SHPRH: variants seen among roughly 807,000 people sequenced by gnomAD.
SHPRH encodes the protein SNF2 histone linker PHD RING helicase, also known as E3 ubiquitin-protein ligase SHPRH.
A neutral mutation model predicts 202.5 loss-of-function variants in SHPRH; 106 were observed. That is an observed-to-expected ratio of 0.52 (90% confidence interval 0.45 to 0.62). The LOEUF is 0.62. Ranked by LOEUF, SHPRH falls within the 20% of genes least tolerant of loss-of-function variation. The probability of loss-of-function intolerance (pLI) is 0.00; values close to 1 mark genes in which losing one functional copy is unlikely to be tolerated. For synonymous variants in SHPRH, 729 were observed against 686.0 expected (o/e 1.06, Z -0.98); for missense variants, 1,710 against 2,020.0 (o/e 0.85, Z 2.94).
intron 10 of SHPRH, among the ~76,000 whole-genome samples, chr6:145,941,174 T>G (rs192060535): frequency 6.6e-6 from 1 of 152,272 alleles, no homozygotes. Flanking sequence ...GACAACAGAA[T>G]AAAGACATAT....
rs1787250109 is a variant in SHPRH at position 145,945,323 on chromosome 6, A to G, written c.1578+58T>C. 1.2e-5 allele frequency: 18 copies of G among 1,526,128 alleles called. No individual in the cohort carries two copies. In the South Asian group the frequency reaches 2.4e-4, roughly 20 times the overall value. The allele number at this position is 1,526,128 out of a possible 1,614,324, so 94.5% of individuals were successfully genotyped here. ...GTTTCAAGGTGGGATCTGTCAATGT[A>G]CTCAGTAAGGTATCACATACGTGTA... On this transcript the variant is annotated intron_variant, in intron 8 of 29. Coordinates refer to ENST00000275233, the MANE Select transcript of SHPRH (RefSeq NM_001042683.3).
Position 145,950,562 on chromosome 6 carries a change from A to G in SHPRH, c.764-80T>C. On this transcript the variant is annotated intron_variant, in intron 3 of 29. Transcript: ENST00000275233. ...AGCAATTCTTATTCTAAGAGCATAC[A>G]ATGAACTTGCCCAACTCTGGGGCCT... The G allele has an allele frequency of 8.7e-6, 12 of 1,377,918 alleles. No individual in the cohort carries two copies. The South Asian group carries it at 1.5e-4, about 18-fold the overall frequency. 85.4% of individuals were successfully genotyped at this position (1,377,918 alleles called of 1,614,324 possible). A position where few individuals can be genotyped will look rare whatever the true frequency, so the allele number is the denominator to read the frequency against.
At position 145,924,810 on chromosome 6, in the gene SHPRH, T is replaced by C; in HGVS notation, c.3331A>G (p.Asn1111Asp). 2 of 1,611,870 alleles carry C rather than the reference T, an allele frequency of 1.2e-6. No homozygotes were observed. The highest frequency in any genetic ancestry group is 1.7e-6 in the Non-Finnish European group (2 of 1,178,494). The change falls in exon 17 of 30, where the codon AAT becomes GAT. Residue 1111 changes from asparagine to aspartate, a missense_variant. By Grantham distance (23) the Asn-to-Asp change is conservative (BLOSUM62 1). Around this residue, in one of 8 missense-constraint regions of SHPRH, gnomAD observed 288 missense variants for 317.8 expected, o/e 0.91. Coordinates refer to ENST00000275233, the MANE Select transcript of SHPRH (RefSeq NM_001042683.3). The stretch of plus-strand genomic sequence containing the variant: ...TGCTGGGCTTCAGCAACTTCTGTAT[T>C]ACACTTGCTCATGTAGTGCTCTCGC... ...QLREHYMSKC[N>D]TEVAEAQQAL...
chr6:145,867,647 G>T (rs1387837726), intron 2 of SHPRH, among the ~76,000 whole-genome samples: 84 of 131,234 alleles, frequency 6.4e-4, no homozygotes, highest in African/African-American at 1.7e-3. Flanking sequence ...GAGAGAGAGA[G>T]AGAGAGAGAG....
chr6:145,901,045 CATA>C (rs1369088703), intron 25 of SHPRH, among the ~76,000 whole-genome samples: 6 of 151,956 alleles, frequency 3.9e-5, no homozygotes, highest in African/African-American at 1.4e-4. Flanking sequence ...TCAATCCTTC[CATA>C]ATATCTACAT....
intron 28 of SHPRH, 34 bp from the exon 29 acceptor site, chr6:145,888,134 CAT>C (rs1781251391): frequency 6.8e-7 from 1 of 1,477,704 alleles, no homozygotes; most frequent in Non-Finnish European, 9.4e-7. Context: ...AGCTTAAAAA[CAT>C]AGTAAAACAA....
intron 14 of SHPRH, 61 bp downstream of exon 14, chr6:145,932,996 T>A (rs1477738702): frequency 7.1e-6 from 11 of 1,541,394 alleles, no homozygotes; most frequent in Non-Finnish European, 8.8e-6. Flanking sequence ...CTATTTTTTC[T>A]ATAATTAACC....
chr6:145,962,268 T>C (rs1001692672), intron 1 of SHPRH, among the ~76,000 whole-genome samples: 3 of 152,224 alleles, frequency 2.0e-5, no homozygotes, highest in Non-Finnish European at 4.4e-5. Flanking sequence ...GCAGGAGTAG[T>C]ATCCTATTCA....
chr6:145,879,953 T>C (rs536915499), downstream of SHPRH, among the ~76,000 whole-genome samples: 20 of 122,240 alleles, frequency 1.6e-4, no homozygotes, highest in Non-Finnish European at 3.2e-4. Context: ...AAAAAAGAAA[T>C]GGTGACTAGC....
At chr6:145,869,630 G>C (rs1260563776) in intron 2 of SHPRH, among the ~76,000 whole-genome samples, 1 of 151,970 alleles carries the variant, frequency 6.6e-6, no homozygotes, top group Non-Finnish European at 1.5e-5. Context: ...AAGATTAGTT[G>C]GCTATATTTA....
At chr6:145,931,771 C>T (rs1311623354) in intron 14 of SHPRH, among the ~76,000 whole-genome samples, 1 of 151,832 alleles carries the variant, frequency 6.6e-6, no homozygotes, top group Non-Finnish European at 1.5e-5. Context: ...AATATTATAC[C>T]TCTTCATATA....
At chr6:145,886,848 T>G in intron 29 of SHPRH, 61 bp from the exon 30 acceptor site, 1 of 1,561,414 alleles carries the variant, frequency 6.4e-7, no homozygotes, top group Non-Finnish European at 8.7e-7. Context: ...GCGATTATAT[T>G]TGTAGTAATA....
intron 1 of SHPRH, among the ~76,000 whole-genome samples, chr6:145,959,378 A>G (rs1357366997): frequency 4.6e-5 from 7 of 152,206 alleles, no homozygotes; most frequent in Admixed American, 3.9e-4. Context: ...TACAAATACT[A>G]CGGTGTGACA....
At chr6:145,918,616 C>T (rs909656406) in intron 22 of SHPRH, 3 of 153,278 alleles carry the variant, frequency 2.0e-5, no homozygotes, top group Non-Finnish European at 2.9e-5. Flanking sequence ...ATTTCTCTGC[C>T]CTTCTTTCCT....
At chr6:145,863,725 C>T (rs140944097), downstream of SHPRH, among the ~76,000 whole-genome samples, 1 of 152,146 alleles carries the variant, frequency 6.6e-6, no homozygotes, top group African/African-American at 2.4e-5. Context: ...AAAGAGGGGC[C>T]AGTAAAGGTT....
intron 1 of SHPRH, 58 bp from the exon 2 acceptor site, chr6:145,955,412 T>C (rs1788407739): frequency 6.9e-7 from 1 of 1,445,852 alleles, no homozygotes; most frequent in Non-Finnish European, 9.2e-7. Context: ...TATTTAAGGG[T>C]TACCAGATGA....
Position 145,924,842 on chromosome 6 carries a change from T to A in SHPRH, c.3299A>T (p.Lys1100Ile). The A allele has an allele frequency of 6.2e-7, 1 of 1,610,852 alleles. No homozygotes were observed. The highest frequency in any genetic ancestry group is 8.5e-7 in the Non-Finnish European group (1 of 1,177,912). The change falls in exon 17 of 30, where the codon AAA (lysine) becomes ATA (isoleucine). Residue 1100 changes from lysine (K) to isoleucine (I), a missense_variant. Coordinates refer to ENST00000275233, the MANE Select transcript of SHPRH (RefSeq NM_001042683.3). ...LRDGRLEEEA[K>I]QLREHYMSKC... Reference sequence around the variant, plus strand: ...GCTCATGTAGTGCTCTCGCAGCTGTTTGGCCTGTGTTGAAACAGAGAATAT... The same window carrying A: ...GCTCATGTAGTGCTCTCGCAGCTGTATGGCCTGTGTTGAAACAGAGAATAT...
rs773750070 is a variant in SHPRH, at chr6:145,940,707, G to A, written c.2569+16C>T. 21 of 1,612,138 alleles carry A rather than the reference G, an allele frequency of 1.3e-5. 1 individual carries two copies. In the South Asian group the frequency reaches 2.1e-4, roughly 16 times the overall value. The stretch of plus-strand genomic sequence containing the variant: ...CTTTTCAAATGCATGCAATATGTGA[G>A]GAAACCATACATTACCCTCTAATCC... On this transcript the variant is annotated intron_variant, in intron 11 of 29. Coordinates refer to ENST00000275233, the MANE Select transcript of SHPRH (RefSeq NM_001042683.3).
chr6:145,892,619 G>A (rs2128714756), intron 28 of SHPRH, among the ~76,000 whole-genome samples: 1 of 151,866 alleles, frequency 6.6e-6, no homozygotes, highest in Non-Finnish European at 1.5e-5. Flanking sequence ...AATACATTTA[G>A]CAGGCCTTAT....
Sources: gnomAD v4.1 joint callset for allele counts (sites outside exome capture counted in the v4.1 genomes callset) on GRCh38, gnomAD v4.1.1 for gene constraint, gnomAD v4.1.1 regional missense constraint, MANE v1.5 for transcripts, NCBI Gene and HGNC (gene_info 2026-07-23, HGNC 2026-07-21) for gene names.